Variants in MTFMT observed in about 807,000 individuals in gnomAD.
The protein encoded by MTFMT is methionyl-tRNA formyltransferase, mitochondrial.
Under a neutral mutation model 51.8 loss-of-function variants are expected in MTFMT, and 47 were observed. The ratio of observed to expected loss-of-function variants is 0.91; its 90% CI spans 0.72 to 1.16. The LOEUF (loss-of-function observed/expected upper bound fraction) is 1.16, where lower values mean the gene tolerates loss of function less well. Among genes scored for constraint, MTFMT ranks in the 50% most tolerant of loss-of-function variants. MTFMT has a pLI of 0.00. For missense variants in MTFMT, 512 were observed against 482.3 expected, an observed-to-expected ratio of 1.06 and a Z score of -0.58; for synonymous variants, 196 against 176.7, an observed-to-expected ratio of 1.11 and a Z score of -0.87.
At chr15:65,005,007 A>G (rs1209825791) in intron 7 of MTFMT, 71 bp from the exon 8 acceptor site, 34 of 1,097,710 alleles carry the variant, frequency 3.1e-5, no homozygotes, top group Non-Finnish European at 5.5e-6. Context: ...TACTTCTTAA[A>G]AATCAAAAAA....
chr15:65,018,403 A>G (rs2086342103), intron 5 of MTFMT, among the ~76,000 whole-genome samples: 1 of 152,204 alleles, frequency 6.6e-6, no homozygotes, highest in African/African-American at 2.4e-5. Flanking sequence ...TAGCAAATAA[A>G]TAGGTTAATA....
At chr15:65,017,059 T>C (rs2086330050) in intron 5 of MTFMT, among the ~76,000 whole-genome samples, 1 of 149,070 alleles carries the variant, frequency 6.7e-6, no homozygotes, top group Admixed American at 6.7e-5. Flanking sequence ...TAGGATTAGA[T>C]GCATGAGCTA....
At chr15:65,024,466 T>C (rs890111387) in intron 2 of MTFMT, among the ~76,000 whole-genome samples, 1 of 152,192 alleles carries the variant, frequency 6.6e-6, no homozygotes, top group Non-Finnish European at 1.5e-5. Context: ...ATAACTATCC[T>C]CACTTCACTT....
At chr15:65,006,665 C>T (rs2086222543) in intron 6 of MTFMT, among the ~76,000 whole-genome samples, 1 of 152,184 alleles carries the variant, frequency 6.6e-6, no homozygotes. Flanking sequence ...CGTGAGCCAC[C>T]GCGCCCGGCC....
intron 1 of MTFMT, among the ~76,000 whole-genome samples, chr15:65,028,276 CGTGGTG>C (rs1555404295): frequency 6.6e-6 from 1 of 152,072 alleles, no homozygotes; most frequent in Non-Finnish European, 1.5e-5. Context: ...AAAAATCAGG[CGTGGTG>C]GTGCACGCCC....
intron 8 of MTFMT, 112 bp downstream of exon 8, chr15:65,004,742 G>T: frequency 3.4e-6 from 2 of 583,698 alleles, no homozygotes; most frequent in South Asian, 3.3e-5. Flanking sequence ...ATGATCTCCT[G>T]ACCCAATCTA....
intron 1 of MTFMT, 137 bp downstream of exon 1, chr15:65,029,268 G>A: frequency 2.3e-6 from 3 of 1,287,224 alleles, no homozygotes; most frequent in Non-Finnish European, 2.9e-6. Context: ...GGAGCCAGAA[G>A]ACGCCGAGAT....
intron 5 of MTFMT, among the ~76,000 whole-genome samples, chr15:65,017,733 G>A (rs573764204): frequency 5.2e-4 from 79 of 152,122 alleles, no homozygotes; most frequent in African/African-American, 1.9e-3. Context: ...GGGAGGTTGA[G>A]ACTGCAGTAA....
chr15:65,007,905 A>AT (rs57762015), intron 6 of MTFMT, among the ~76,000 whole-genome samples: 1,949 of 152,110 alleles, frequency 0.013, 47 homozygotes, highest in African/African-American at 0.043. Context: ...GGGGACAGCC[A>AT]TTTTTTCCAT....
intron 3 of MTFMT, among the ~76,000 whole-genome samples, chr15:65,023,066 A>G (rs1458792293): frequency 6.6e-5 from 10 of 152,176 alleles, no homozygotes; most frequent in African/African-American, 2.2e-4. Context: ...AAGTTAAAGC[A>G]AATCCCAGAT....
chr15:65,027,024 C>G lies in MTFMT; in HGVS notation c.226G>C (p.Glu76Gln), dbSNP rs768732372. 1.3e-5 allele frequency: 21 copies of G among 1,613,502 alleles called. No individual in the cohort carries two copies. In the East Asian group the frequency reaches 4.5e-4, roughly 34 times the overall value. The change falls in exon 2 of 9, where the codon GAG becomes CAG. Residue 76 changes from glutamate (E) to glutamine (Q), a missense_variant. Transcript: ENST00000220058. ...LHAARENKEE[E>Q]LIDKLEVVTM... ...ACCACCTCCAGTTTGTCGATTAACT[C>G]TTCTTCTTTGTTTTCCCTAAATTAG...
chr15:65,013,697 A>C (rs993854938), intron 6 of MTFMT, among the ~76,000 whole-genome samples: 1 of 152,162 alleles, frequency 6.6e-6, no homozygotes, highest in Non-Finnish European at 1.5e-5. Flanking sequence ...TAATGCCAGC[A>C]TGTTGGGAGG....
intron 2 of MTFMT, among the ~76,000 whole-genome samples, chr15:65,025,874 T>G (rs1247775775): frequency 6.6e-6 from 1 of 152,116 alleles, no homozygotes; most frequent in East Asian, 1.9e-4. Context: ...TGAAAGCCTA[T>G]AGAGGGTGAT....
chr15:65,010,044 G>A (rs147548686), intron 6 of MTFMT, among the ~76,000 whole-genome samples: 401 of 152,154 alleles, frequency 2.6e-3, no homozygotes, highest in African/African-American at 9.2e-3. Flanking sequence ...CTCCCCTGCC[G>A]TGGCCCTCTG....
At position 65,024,098 on chromosome 15, in the gene MTFMT, G is replaced by A. The variant is rs191567801; in HGVS notation, c.420-304C>T. 3.5e-3 allele frequency among the ~76,000 whole-genome samples: 532 copies of A among 152,056 alleles called. 1 individual carries two copies. The highest frequency in any genetic ancestry group is 0.012 in the African/African-American group (510 of 41,436). ...TCCCAGCACTTTGAGAGGCCGAGGC[G>A]GGCGGATCACTTGAGATCGGGAGTT... is the stretch of plus-strand genomic sequence containing the variant. On this transcript the variant is annotated intron_variant, in intron 2 of 8. Transcript: ENST00000220058.
chr15:65,023,680 T>A lies in MTFMT; in HGVS notation c.534A>T (p.Arg178Ser). 6.2e-7 allele frequency: 1 copy of A among 1,613,364 alleles called. No individual in the cohort carries two copies. The highest frequency in any genetic ancestry group is 8.5e-7 in the Non-Finnish European group (1 of 1,179,500). Residue 178 changes from arginine (R) to serine (S), a missense_variant, in exon 3 of 9, where the codon AGA (arginine) becomes AGT (serine). Arg to Ser is a moderately radical substitution (Grantham distance 110). Coordinates refer to ENST00000220058, the MANE Select transcript of MTFMT (RefSeq NM_139242.4). ...TVTGVTIMQI[R>S]PKRFDVGPIL... is the part of the protein sequence containing the mutation. ...AGGAAAATATGTGCTACCTTTTAGG[T>A]CTAATTTGCATAATTGTTACTCCAG...
intron 4 of MTFMT, among the ~76,000 whole-genome samples, chr15:65,020,762 C>A (rs1489311079): frequency 6.6e-6 from 1 of 152,166 alleles, no homozygotes; most frequent in Non-Finnish European, 1.5e-5. Context: ...CTCTGGCCTT[C>A]AATGTCATCA....
At chr15:65,015,121 A>C (rs2140480628) in intron 6 of MTFMT, among the ~76,000 whole-genome samples, 1 of 152,202 alleles carries the variant, frequency 6.6e-6, no homozygotes, top group South Asian at 2.1e-4. Context: ...AGATGCTGTA[A>C]ATATATTATA....
intron 7 of MTFMT, 143 bp from the exon 8 acceptor site, chr15:65,005,079 C>G: frequency 3.3e-6 from 2 of 605,388 alleles, no homozygotes; most frequent in Non-Finnish European, 5.8e-6. Flanking sequence ...CTTTGTAAAC[C>G]AAAACTTACA....
Sources: allele counts gnomAD v4.1 joint callset (sites outside exome capture counted in the v4.1 genomes callset), GRCh38; gene constraint gnomAD v4.1.1; transcripts MANE v1.5; gene names NCBI Gene and HGNC (gene_info 2026-07-23, HGNC 2026-07-21).